The following UCHL3 variants were observed in gnomAD, a reference collection of about 807,000 sequenced individuals.
UCHL3 encodes ubiquitin carboxyl-terminal hydrolase isozyme L3.
A neutral mutation model predicts 35.8 loss-of-function variants in UCHL3; 22 were observed. The observed-to-expected ratio is 0.61, with a 90% CI of 0.44 to 0.88. The LOEUF (loss-of-function observed/expected upper bound fraction) is 0.88, where lower values mean the gene tolerates loss of function less well. Among genes scored for constraint, UCHL3 ranks in the 40% least tolerant of loss-of-function variants. The probability of loss-of-function intolerance (pLI) is 0.00; values close to 1 mark genes in which losing one functional copy is unlikely to be tolerated. For synonymous variants in UCHL3, 90 were observed against 92.8 expected, an observed-to-expected ratio of 0.97 and a Z score of 0.17; for missense variants, 229 against 276.9, an observed-to-expected ratio of 0.83 and a Z score of 1.23.
chr13:75,592,849 T>G (rs964284681), intron 6 of UCHL3, among the ~76,000 whole-genome samples: 4 of 152,104 alleles, frequency 2.6e-5, no homozygotes, highest in African/African-American at 9.7e-5. Context: ...TTGCTTACAT[T>G]TGCAATAATG....
chr13:75,583,936 A>G (rs1488517744), intron 6 of UCHL3, among the ~76,000 whole-genome samples: 1 of 152,154 alleles, frequency 6.6e-6, no homozygotes, highest in African/African-American at 2.4e-5. Flanking sequence ...GCAGACCTCA[A>G]TGGGTGCTCA....
chr13:75,573,551 TG>T (rs2031928534), intron 6 of UCHL3, among the ~76,000 whole-genome samples: 1 of 152,172 alleles, frequency 6.6e-6, no homozygotes. Context: ...CTTCCTGGCT[TG>T]TAGACTACCA....
At chr13:75,600,844 T>C (rs2032764729) in intron 7 of UCHL3, among the ~76,000 whole-genome samples, 1 of 152,254 alleles carries the variant, frequency 6.6e-6, no homozygotes, top group South Asian at 2.1e-4. Context: ...ATTGCTTTGA[T>C]GGATCTGAGA....
upstream of UCHL3, chr13:75,549,745 A>T: frequency 6.9e-7 from 1 of 1,446,274 alleles, no homozygotes; most frequent in Non-Finnish European, 9.1e-7. Flanking sequence ...GGCCCAGGTC[A>T]AGGCGCGCGT....
At chr13:75,560,668 C>G (rs1359780539) in intron 2 of UCHL3, 85 bp from the exon 3 acceptor site, 1 of 1,272,544 alleles carries the variant, frequency 7.9e-7, no homozygotes, top group African/African-American at 1.5e-5. Flanking sequence ...TTGATCATTT[C>G]CCTTTTAACA....
At chr13:75,562,002 G>A (rs1237655064) in intron 3 of UCHL3, among the ~76,000 whole-genome samples, 1 of 151,960 alleles carries the variant, frequency 6.6e-6, no homozygotes, top group Non-Finnish European at 1.5e-5. Context: ...ATTAGAAACA[G>A]TAGGATGATT....
intron 2 of UCHL3, among the ~76,000 whole-genome samples, chr13:75,553,124 TA>T (rs1242363093): frequency 6.6e-6 from 1 of 152,240 alleles, no homozygotes; most frequent in African/African-American, 2.4e-5. Flanking sequence ...TCACAATAAA[TA>T]AATCATATAA....
intron 6 of UCHL3, among the ~76,000 whole-genome samples, chr13:75,589,690 A>G (rs1422875810): frequency 6.6e-6 from 1 of 152,184 alleles, no homozygotes; most frequent in Non-Finnish European, 1.5e-5. Flanking sequence ...GTGCTATGCA[A>G]ATGAGGATAT....
chr13:75,588,207 A>C (rs1015866512), intron 6 of UCHL3, among the ~76,000 whole-genome samples: 5 of 152,122 alleles, frequency 3.3e-5, no homozygotes, highest in Admixed American at 1.3e-4. Context: ...TTTGCCAAGA[A>C]TATTTTCCCA....
intron 6 of UCHL3, among the ~76,000 whole-genome samples, chr13:75,577,532 C>T (rs1414964156): frequency 2.0e-5 from 3 of 151,980 alleles, no homozygotes; most frequent in South Asian, 2.1e-4. Context: ...CCGTGGATAT[C>T]GAGGGATGAC....
chr13:75,575,427 T>C (rs942277256), intron 6 of UCHL3, among the ~76,000 whole-genome samples: 4 of 152,234 alleles, frequency 2.6e-5, no homozygotes, highest in Non-Finnish European at 5.9e-5. Context: ...GAGAGTGTTT[T>C]CTTTTTTTCC....
chr13:75,597,327 G>A (rs1171379623), intron 7 of UCHL3, among the ~76,000 whole-genome samples: 1 of 151,832 alleles, frequency 6.6e-6, no homozygotes, highest in Non-Finnish European at 1.5e-5. Flanking sequence ...CCTGTGAACA[G>A]CCACTACACT....
At chr13:75,559,102 C>G (rs1438860486) in intron 2 of UCHL3, among the ~76,000 whole-genome samples, 1 of 122,026 alleles carries the variant, frequency 8.2e-6, no homozygotes, top group Non-Finnish European at 1.6e-5. Flanking sequence ...TGCAGTGGCG[C>G]AATCTCTGCT....
At chr13:75,598,974 A>G (rs1359739194) in intron 7 of UCHL3, among the ~76,000 whole-genome samples, 1 of 152,132 alleles carries the variant, frequency 6.6e-6, no homozygotes, top group African/African-American at 2.4e-5. Context: ...GAATGATTAT[A>G]ATCCATGATA....
intron 6 of UCHL3, among the ~76,000 whole-genome samples, chr13:75,584,295 A>G (rs932382240): frequency 1.3e-5 from 2 of 152,172 alleles, no homozygotes; most frequent in Non-Finnish European, 2.9e-5. Flanking sequence ...GGATGGGTCA[A>G]TAATATGGAG....
At chr13:75,562,930 A>G (rs2031562991) in intron 3 of UCHL3, among the ~76,000 whole-genome samples, 2 of 152,164 alleles carry the variant, frequency 1.3e-5, no homozygotes, top group Non-Finnish European at 1.5e-5. Flanking sequence ...CTACTTTTAG[A>G]TGTCTTACAG....
At chr13:75,549,766 GGCGGCGGCGGC>G, upstream of UCHL3, 2 of 1,032,864 alleles carry the variant, frequency 1.9e-6, no homozygotes, top group Middle Eastern at 3.0e-4. Flanking sequence ...GGGCGGAAGC[GGCGGCGGCGGC>G]GAAGGCGGCG....
At chr13:75,586,972 G>A (rs1305405368) in intron 6 of UCHL3, among the ~76,000 whole-genome samples, 1 of 140,094 alleles carries the variant, frequency 7.1e-6, no homozygotes, top group African/African-American at 2.6e-5. Flanking sequence ...AGTAGAAAAG[G>A]GAAATGGCTT....
intron 2 of UCHL3, among the ~76,000 whole-genome samples, chr13:75,557,695 A>G (rs1443301209): frequency 6.6e-6 from 1 of 152,196 alleles, no homozygotes; most frequent in South Asian, 2.1e-4. Context: ...TTTTAAGACC[A>G]TCATTTTGTG....
Sources: allele counts gnomAD v4.1 joint callset (sites outside exome capture counted in the v4.1 genomes callset), GRCh38; gene constraint gnomAD v4.1.1; transcripts MANE v1.5; gene names NCBI Gene and HGNC (gene_info 2026-07-23, HGNC 2026-07-21).